Variants in WDR41 observed in about 807,000 individuals in gnomAD.
The protein encoded by WDR41 is WD repeat-containing protein 41.
WDR41 carries 63 observed loss-of-function variants against 69.3 expected under a neutral mutation model. The observed-to-expected ratio is 0.91, with a 90% CI of 0.74 to 1.12. The LOEUF (loss-of-function observed/expected upper bound fraction) is 1.12. Among genes scored for constraint, WDR41 ranks in the 50% most tolerant of loss-of-function variants. The pLI, the probability that WDR41 is intolerant of heterozygous loss-of-function variation, is 0.00. For missense variants in WDR41, 543 were observed against 534.5 expected, an observed-to-expected ratio of 1.02 and a Z score of -0.16; for synonymous variants, 185 against 192.1, an observed-to-expected ratio of 0.96 and a Z score of 0.31.
intron 6 of WDR41, chr5:77,452,460 T>C (rs1799664289): frequency 6.6e-6 from 1 of 152,264 alleles, no homozygotes; most frequent in East Asian, 1.9e-4. Flanking sequence ...CCCTGTGTTT[T>C]AGTCCAGGGC....
At chr5:77,572,018 G>A (rs578145232) in intron 1 of WDR41, among the ~76,000 whole-genome samples, 2 of 152,172 alleles carry the variant, frequency 1.3e-5, no homozygotes, top group South Asian at 4.1e-4. Context: ...TAAAAACCAC[G>A]TTTCTCTAGG....
chr5:77,455,966 G>A (rs1242539124), intron 5 of WDR41, among the ~76,000 whole-genome samples: 3 of 133,196 alleles, frequency 2.3e-5, no homozygotes, highest in Non-Finnish European at 4.7e-5. Flanking sequence ...GGATCAGCTT[G>A]TAAATTTCTC....
intron 1 of WDR41, among the ~76,000 whole-genome samples, chr5:77,567,084 C>A (rs1743646332): frequency 6.6e-6 from 1 of 152,062 alleles, no homozygotes; most frequent in Non-Finnish European, 1.5e-5. Context: ...CGACAGAGTC[C>A]ATTGCTCTAT....
chr5:77,592,437 A>T (rs1744151119), intron 1 of WDR41, among the ~76,000 whole-genome samples: 1 of 151,944 alleles, frequency 6.6e-6, no homozygotes, highest in South Asian at 2.1e-4. Context: ...TCAAGAATTT[A>T]TTATTATTCA....
chr5:77,610,726 A>G (rs1326672862), intron 1 of WDR41, among the ~76,000 whole-genome samples: 4 of 152,264 alleles, frequency 2.6e-5, no homozygotes, highest in African/African-American at 9.6e-5. Flanking sequence ...GACCATCAAG[A>G]CTAGGAAGAA....
chr5:77,489,791 G>A (rs163025), intron 1 of WDR41, among the ~76,000 whole-genome samples: 89,828 of 151,886 alleles, frequency 0.59, 27,824 homozygotes, highest in African/African-American at 0.77. Context: ...CCACAAATTC[G>A]AATCATGAAT....
intron 2 of WDR41, among the ~76,000 whole-genome samples, chr5:77,483,976 G>C (rs1271385010): frequency 4.6e-5 from 7 of 152,162 alleles, no homozygotes; most frequent in African/African-American, 1.2e-4. Flanking sequence ...ACATTTGAAA[G>C]ATGTTCAAGA....
At chr5:77,534,391 C>A (rs1395451719) in intron 1 of WDR41, among the ~76,000 whole-genome samples, 2 of 152,004 alleles carry the variant, frequency 1.3e-5, no homozygotes, top group African/African-American at 2.4e-5. Flanking sequence ...GGTAACTAAG[C>A]AGAGACAATG....
chr5:77,528,025 CAAAT>C (rs1802474978), intron 1 of WDR41, among the ~76,000 whole-genome samples: 1 of 151,292 alleles, frequency 6.6e-6, no homozygotes, highest in Non-Finnish European at 1.5e-5. Context: ...AAAAGCACAG[CAAAT>C]TAAAGTCAAA....
chr5:77,431,648 A>G lies in WDR41; in HGVS notation c.*1487T>C, dbSNP rs968318336. 1 of 152,224 alleles carries G rather than the reference A, an allele frequency of 6.6e-6. No individual in the cohort carries two copies. The highest frequency in any genetic ancestry group is 6.5e-5 in the Admixed American group (1 of 15,284). 9.4% of individuals were successfully genotyped at this position (152,224 alleles called of 1,614,324 possible). A position where few individuals can be genotyped will look rare whatever the true frequency, so the allele number is the denominator to read the frequency against. On this transcript the variant is annotated 3_prime_UTR_variant, in exon 13 of 13. Coordinates refer to ENST00000296679, the MANE Select transcript of WDR41 (RefSeq NM_018268.4). ...CATTTGAATAGATTACTATCACAAA[A>G]TACTAGCCTAGAACAGGCTAGGAAG...
intron 2 of WDR41, among the ~76,000 whole-genome samples, chr5:77,475,727 A>C (rs1331892721): frequency 6.6e-6 from 1 of 152,212 alleles, no homozygotes; most frequent in African/African-American, 2.4e-5. Context: ...GGGAAAAAAC[A>C]GAGCAGAAAA....
At chr5:77,556,477 G>A (rs975316895) in intron 1 of WDR41, among the ~76,000 whole-genome samples, 9 of 151,916 alleles carry the variant, frequency 5.9e-5, no homozygotes, top group African/African-American at 2.2e-4. Context: ...GCATGATGTC[G>A]GCTCATTGCA....
chr5:77,437,374 C>CT lies in WDR41; in HGVS notation c.1054dup (p.Arg352LysfsTer9). 6.2e-7 allele frequency: 1 copy of CT among 1,613,982 alleles called. No homozygotes were observed. The highest frequency in any genetic ancestry group is 8.5e-7 in the Non-Finnish European group (1 of 1,179,916). ...CTCAGCTGCAAGCTGCTGTTTTTCT[C>CT]TTAACTCCCAAATGCGTACACTGCC... On this transcript the variant is annotated frameshift_variant, in exon 11 of 13. Transcript: ENST00000296679. LOFTEE classifies it high-confidence loss of function.
At chr5:77,437,458 G>C in intron 10 of WDR41, 34 bp from the exon 11 acceptor site, 1 of 1,572,954 alleles carries the variant, frequency 6.4e-7, no homozygotes, top group Non-Finnish European at 8.7e-7. Flanking sequence ...TACAAAAAGA[G>C]CGCACCACTG....
rs975091341 is a variant in WDR41, at chr5:77,431,784, A to G, written c.*1351T>C. On this transcript the variant is annotated 3_prime_UTR_variant, in exon 13 of 13. Coordinates refer to ENST00000296679, the MANE Select transcript of WDR41 (RefSeq NM_018268.4). ...AAGGAAAAAGCACGTGAATAATGGG[A>G]GAAAGTCTTCTGTAATTGAGGTAGC... 1 of 152,238 alleles carries G rather than the reference A, an allele frequency of 6.6e-6. No individual in the cohort carries two copies. The highest frequency in any genetic ancestry group is 2.1e-4 in the South Asian group (1 of 4,830). 9.4% of individuals were successfully genotyped at this position (152,238 alleles called of 1,614,324 possible).
Position 77,492,180 on chromosome 5 carries a change from C to G in WDR41, c.41G>C (p.Gly14Ala). 6.2e-7 allele frequency: 1 copy of G among 1,612,474 alleles called. No homozygotes were observed. The highest frequency in any genetic ancestry group is 8.5e-7 in the Non-Finnish European group (1 of 1,179,486). ...WLIGGGREPQGLAEKSPLQTI... is the reference protein window; with the variant it reads ...WLIGGGREPQALAEKSPLQTI... ...CCACCCGGGGTTTACCTCGGCCAGT[C>G]CCTGCGGTTCTCGGCCTCCCCCGAT... The change falls in exon 1 of 13, where the codon GGA becomes GCA. Residue 14 changes from glycine (G) to alanine (A), a missense_variant. Gly to Ala is a moderately conservative substitution (Grantham distance 60, BLOSUM62 0). Coordinates refer to ENST00000296679, the MANE Select transcript of WDR41 (RefSeq NM_018268.4).
chr5:77,490,814 A>G (rs890853699), intron 1 of WDR41, among the ~76,000 whole-genome samples: 1 of 152,250 alleles, frequency 6.6e-6, no homozygotes, highest in Non-Finnish European at 1.5e-5. Flanking sequence ...TGGCTATTCA[A>G]TAATCCACAA....
chr5:77,548,791 G>A (rs1004113777), intron 1 of WDR41, among the ~76,000 whole-genome samples: 3 of 152,096 alleles, frequency 2.0e-5, no homozygotes, highest in Non-Finnish European at 4.4e-5. Flanking sequence ...TCTATCTAGA[G>A]GAAAAGAAGT....
intron 1 of WDR41, among the ~76,000 whole-genome samples, chr5:77,529,832 T>C (rs2112205044): frequency 6.6e-6 from 1 of 151,762 alleles, no homozygotes; most frequent in South Asian, 2.1e-4. Flanking sequence ...AAAAAATAAA[T>C]TTTTGCTGCT....
Sources: gnomAD v4.1 joint callset for allele counts (sites outside exome capture counted in the v4.1 genomes callset) on GRCh38, gnomAD v4.1.1 for gene constraint, MANE v1.5 for transcripts, NCBI Gene and HGNC (gene_info 2026-07-23, HGNC 2026-07-21) for gene names.